The following DTNA variants were observed in gnomAD, a reference collection of about 807,000 sequenced individuals.
DTNA encodes dystrobrevin alpha, also known as dystrophin-related protein 3.
In DTNA, 43 loss-of-function variants were observed where a neutral mutation model predicts 100.7. That is an observed-to-expected ratio of 0.43 (90% CI 0.33 to 0.55). The LOEUF is 0.55. Among genes scored for constraint, DTNA ranks in the 20% least tolerant of loss-of-function variants. DTNA has a pLI of 0.04. For synonymous variants in DTNA, 349 were observed against 347.9 expected (o/e 1.00, Z -0.04); for missense variants, 798 against 953.9 (o/e 0.84, Z 2.15).
chr18:34,828,589 A>G (rs762964110), intron 10 of DTNA, among the ~76,000 whole-genome samples: 2 of 152,224 alleles, frequency 1.3e-5, no homozygotes, highest in Non-Finnish European at 2.9e-5. Context: ...CAATGAGACT[A>G]AGAACACAGC....
intron 1 of DTNA, among the ~76,000 whole-genome samples, chr18:34,619,116 A>G (rs934825266): frequency 6.6e-5 from 10 of 152,314 alleles, no homozygotes; most frequent in African/African-American, 2.4e-4. Context: ...ATCATTTAAA[A>G]GGTATTGGAG....
At chr18:34,632,734 A>G (rs946624604) in intron 1 of DTNA, among the ~76,000 whole-genome samples, 13 of 152,310 alleles carry the variant, frequency 8.5e-5, no homozygotes, top group African/African-American at 3.1e-4. Context: ...CTTAATTTTA[A>G]TTCACTAAAG....
intron 1 of DTNA, among the ~76,000 whole-genome samples, chr18:34,722,379 G>GATT (rs2085526659): frequency 6.6e-6 from 1 of 151,884 alleles, no homozygotes; most frequent in Admixed American, 6.6e-5. Context: ...CAACAGGAAA[G>GATT]ATTATTATTA....
intron 1 of DTNA, among the ~76,000 whole-genome samples, chr18:34,527,593 A>G (rs1190234332): frequency 6.6e-6 from 1 of 152,082 alleles, no homozygotes; most frequent in Non-Finnish European, 1.5e-5. Context: ...CACTGAAGAC[A>G]TTGTTACTTG....
intron 1 of DTNA, among the ~76,000 whole-genome samples, chr18:34,681,374 A>G (rs1448538305): frequency 2.0e-5 from 3 of 152,126 alleles, no homozygotes. Flanking sequence ...ATTGAGATAT[A>G]ATATACATAC....
chr18:34,596,930 G>A (rs1479684506), intron 1 of DTNA, among the ~76,000 whole-genome samples: 1 of 152,004 alleles, frequency 6.6e-6, no homozygotes, highest in Admixed American at 6.6e-5. Flanking sequence ...GGATACATGT[G>A]CCATGGTGGT....
At chr18:34,724,482 G>A (rs554022497) in intron 1 of DTNA, among the ~76,000 whole-genome samples, 5 of 152,250 alleles carry the variant, frequency 3.3e-5, no homozygotes, top group African/African-American at 4.8e-5. Context: ...TATTTGGCTC[G>A]CAGTTCTGCA....
intron 1 of DTNA, among the ~76,000 whole-genome samples, chr18:34,714,423 GGACATGAACAGACACTTCTCAAAAGAA>G (rs2083526130): frequency 6.7e-6 from 1 of 148,888 alleles, no homozygotes; most frequent in South Asian, 2.1e-4. Flanking sequence ...AGTGGGCAAA[GGACATGAACAGACACTTCTCAAAAGAA>G]GACATTTATG....
Position 34,827,527 on chromosome 18 carries a change from G to A in DTNA, c.1002-66G>A. 2.0e-6 allele frequency: 3 copies of A among 1,471,220 alleles called. No individual in the cohort carries two copies. In the Admixed American group the frequency reaches 5.0e-5, roughly 25 times the overall value. 91.1% of individuals were successfully genotyped at this position (1,471,220 alleles called of 1,614,324 possible). On this transcript the variant is annotated intron_variant, in intron 9 of 22. Transcript: ENST00000444659. ...CCCATCCCGTTTCCTGGAGGGATGA[G>A]GGAGAGTTTTAAATTTGTGACTTTT...
At chr18:34,651,018 A>G (rs967487815) in intron 1 of DTNA, among the ~76,000 whole-genome samples, 4 of 152,158 alleles carry the variant, frequency 2.6e-5, no homozygotes, top group Admixed American at 6.6e-5. Context: ...CTAGTGGATA[A>G]GCTCATTGTC....
chr18:34,778,484 G>A (rs1384850303), intron 3 of DTNA, among the ~76,000 whole-genome samples: 4 of 152,062 alleles, frequency 2.6e-5, no homozygotes, highest in African/African-American at 9.7e-5. Context: ...TTAACTGTAT[G>A]GTTCAGTGGC....
intron 18 of DTNA, among the ~76,000 whole-genome samples, chr18:34,875,741 T>G (rs1264389085): frequency 6.6e-6 from 1 of 152,368 alleles, no homozygotes. Context: ...ATATTGTCTT[T>G]TCTTTATATT....
intron 1 of DTNA, among the ~76,000 whole-genome samples, chr18:34,733,680 G>C (rs2088859880): frequency 6.6e-6 from 1 of 152,108 alleles, no homozygotes; most frequent in Non-Finnish European, 1.5e-5. Context: ...ACAAGGCATT[G>C]GTCAAGGGTA....
intron 1 of DTNA, among the ~76,000 whole-genome samples, chr18:34,683,251 G>A (rs1194642197): frequency 6.6e-6 from 1 of 152,132 alleles, no homozygotes; most frequent in East Asian, 1.9e-4. Flanking sequence ...AATACTGGTT[G>A]TATTGGAAAG....
intron 1 of DTNA, among the ~76,000 whole-genome samples, chr18:34,623,676 T>G (rs946289403): frequency 2.0e-5 from 3 of 152,162 alleles, no homozygotes; most frequent in Non-Finnish European, 4.4e-5. Flanking sequence ...TAAGCAACTG[T>G]TATGTGGCAG....
chr18:34,611,828 A>C (rs566430735), intron 1 of DTNA, among the ~76,000 whole-genome samples: 1 of 152,174 alleles, frequency 6.6e-6, no homozygotes, highest in Non-Finnish European at 1.5e-5. Flanking sequence ...ACTCATCTCA[A>C]GAGCAGTTTC....
chr18:34,704,013 A>G (rs1190695274), intron 1 of DTNA, among the ~76,000 whole-genome samples: 1 of 152,116 alleles, frequency 6.6e-6, no homozygotes, highest in East Asian at 1.9e-4. Flanking sequence ...TCTTTGTTTT[A>G]CCATAATAAT....
At chr18:34,886,420 TTATAA>T (rs1474289883) in intron 22 of DTNA, among the ~76,000 whole-genome samples, 1 of 152,164 alleles carries the variant, frequency 6.6e-6, no homozygotes, top group Non-Finnish European at 1.5e-5. Flanking sequence ...TTCACTCCAG[TTATAA>T]CAAATTTAGT....
At chr18:34,565,779 A>G (rs775762010) in intron 1 of DTNA, among the ~76,000 whole-genome samples, 2 of 152,220 alleles carry the variant, frequency 1.3e-5, no homozygotes, top group Non-Finnish European at 2.9e-5. Context: ...TTATGTCTAT[A>G]AAGACTCTTT....
Sources: gnomAD v4.1 joint callset for allele counts (sites outside exome capture counted in the v4.1 genomes callset) on GRCh38, gnomAD v4.1.1 for gene constraint, MANE v1.5 for transcripts, NCBI Gene and HGNC (gene_info 2026-07-23, HGNC 2026-07-21) for gene names.